AKAP12: variants seen among roughly 807,000 people sequenced by gnomAD.
The protein encoded by AKAP12 is A-kinase anchor protein 12.
A neutral mutation model predicts 79.9 loss-of-function variants in AKAP12; 32 were observed. The observed-to-expected ratio is 0.40, with a 90% confidence interval of 0.30 to 0.54. The LOEUF is 0.54. Ranked by LOEUF, AKAP12 falls within the 20% of genes least tolerant of loss-of-function variation. The pLI is 0.48. For synonymous variants in AKAP12, 808 were observed against 857.0 expected (o/e 0.94, Z 1.00); for missense variants, 2,074 against 2,177.0 (o/e 0.95, Z 0.94).
At position 151,352,458 on chromosome 6, in the gene AKAP12, A is replaced by G; in HGVS notation, c.4067A>G (p.Glu1356Gly). 2 of 1,614,238 alleles carry G rather than the reference A, an allele frequency of 1.2e-6. No homozygotes were observed. The highest frequency in any genetic ancestry group is 1.6e-4 in the Middle Eastern group (1 of 6,062). Residue 1356 changes from glutamate (E) to glycine (G), a missense_variant, in exon 4 of 5, where the codon GAG becomes GGG. Physicochemically the swap from Glu to Gly is moderately conservative, Grantham distance 98. This residue lies in a region of AKAP12 where 614 missense variants were observed against 665.6 expected (regional missense o/e 0.92). Transcript: ENST00000402676. ...GCAGAGCCAACCCATGTGAATGAAGAGAAGCTTGAGCACGAAACAGCTGTT... is the reference window on the plus strand; with the variant it reads ...GCAGAGCCAACCCATGTGAATGAAGGGAAGCTTGAGCACGAAACAGCTGTT... ...TEAEPTHVNE[E>G]KLEHETAVTV...
At chr6:151,311,218 G>T (rs556035963) in intron 3 of AKAP12, among the ~76,000 whole-genome samples, 1 of 152,122 alleles carries the variant, frequency 6.6e-6, no homozygotes, top group South Asian at 2.1e-4. Flanking sequence ...TTCCTTCCAC[G>T]TCAGCCTCCC....
chr6:151,326,672 T>C (rs879859133), intron 3 of AKAP12, among the ~76,000 whole-genome samples: 5 of 152,268 alleles, frequency 3.3e-5, no homozygotes, highest in African/African-American at 1.2e-4. Flanking sequence ...CTTATGCCAT[T>C]GTACTGTGGC....
chr6:151,323,415 G>A (rs1226438860), intron 3 of AKAP12, among the ~76,000 whole-genome samples: 1 of 152,136 alleles, frequency 6.6e-6, no homozygotes, highest in African/African-American at 2.4e-5. Context: ...GCCGAGCATG[G>A]TGGCATGCGC....
At chr6:151,309,546 A>G (rs1358121295) in intron 3 of AKAP12, among the ~76,000 whole-genome samples, 3 of 152,234 alleles carry the variant, frequency 2.0e-5, no homozygotes, top group Non-Finnish European at 4.4e-5. Flanking sequence ...CTGGTAGTTC[A>G]GAACCAACCC....
intron 2 of AKAP12, among the ~76,000 whole-genome samples, chr6:151,281,079 C>A (rs1195625782): frequency 6.6e-6 from 1 of 152,116 alleles, no homozygotes; most frequent in African/African-American, 2.4e-5. Flanking sequence ...TGCTTTCATC[C>A]TGTTATTTCC....
intron 2 of AKAP12, among the ~76,000 whole-genome samples, chr6:151,248,131 G>A (rs1359025810): frequency 2.0e-5 from 3 of 152,132 alleles, no homozygotes; most frequent in Non-Finnish European, 4.4e-5. Context: ...GAGTATTGAA[G>A]GATTAAATTT....
At chr6:151,258,632 A>G (rs191749596) in intron 2 of AKAP12, among the ~76,000 whole-genome samples, 7 of 152,114 alleles carry the variant, frequency 4.6e-5, no homozygotes, top group South Asian at 2.1e-4. Flanking sequence ...CTACTAAACT[A>G]TATGTATTTT....
chr6:151,332,198 G>A (rs1777693820), intron 3 of AKAP12, among the ~76,000 whole-genome samples: 1 of 151,760 alleles, frequency 6.6e-6, no homozygotes, highest in South Asian at 2.1e-4. Context: ...CACCACATCT[G>A]GCTAAATTTT....
chr6:151,352,093 A>G lies in AKAP12; in HGVS notation c.3702A>G (p.Lys1234=), dbSNP rs147618736. The G allele has an allele frequency of 1.2e-6, 2 of 1,614,088 alleles. No homozygotes were observed. The highest frequency in any genetic ancestry group is 1.1e-5 in the South Asian group (1 of 91,088). ...GTTTTGTGTTCCAGGAAGAAACTAA[A>G]GAACAATCAAAGATGGAAGACACTC... The part of the protein sequence containing the change: ...PSSFVFQEET[K]EQSKMEDTLE... Residue 1234 remains lysine, a synonymous_variant, in exon 4 of 5, where the codon AAA becomes AAG. Coordinates refer to ENST00000402676, the MANE Select transcript of AKAP12 (RefSeq NM_005100.4).
intron 3 of AKAP12, among the ~76,000 whole-genome samples, chr6:151,336,413 C>T (rs1777816255): frequency 6.6e-6 from 1 of 152,176 alleles, no homozygotes; most frequent in South Asian, 2.1e-4. Context: ...CTTTTCTCCA[C>T]ATCTGTGCGA....
At chr6:151,258,563 C>G (rs1362127532) in intron 2 of AKAP12, among the ~76,000 whole-genome samples, 2 of 152,180 alleles carry the variant, frequency 1.3e-5, no homozygotes, top group Admixed American at 1.3e-4. Flanking sequence ...TGTAAGATTA[C>G]TTTTGGCCAC....
chr6:151,337,575 A>G (rs914367797), intron 3 of AKAP12, among the ~76,000 whole-genome samples: 25 of 151,820 alleles, frequency 1.6e-4, no homozygotes, highest in Admixed American at 3.9e-4. Context: ...GGAAAACTAA[A>G]ATGAATACAG....
At chr6:151,305,677 G>A in intron 2 of AKAP12, 70 bp from the exon 3 acceptor site, 5 of 1,439,378 alleles carry the variant, frequency 3.5e-6, no homozygotes, top group Non-Finnish European at 4.7e-6. Context: ...TATTCTGGAA[G>A]TTAATGCCTT....
rs774307649 is a variant in AKAP12, at chr6:151,351,777, G to A, written c.3386G>A (p.Ser1129Asn). ...GAAAAAGCTCCTCAAGTCACAGAGA[G>A]CATAGAGTCCAGTGAGCTTGTAACC... ...SFEKAPQVTE[S>N]IESSELVTTC... The change falls in exon 4 of 5, where the codon AGC becomes AAC. Residue 1129 changes from serine to asparagine, a missense_variant. By Grantham distance (46) the Ser-to-Asn change is conservative. Coordinates refer to ENST00000402676, the MANE Select transcript of AKAP12 (RefSeq NM_005100.4). This position sits in a 1 kb window ranked among gnomAD's most constrained non-coding sequence, Gnocchi z 4.4. The A allele has an allele frequency of 1.9e-6, 3 of 1,614,072 alleles. No homozygotes were observed. Among genetic ancestry groups the A allele is most frequent in the East Asian group, 2.2e-5 (1 of 44,892 alleles).
chr6:151,322,775 T>TCCCGCCACTGGGTGTGTGCACCATCCAC (rs1562738571), intron 3 of AKAP12, among the ~76,000 whole-genome samples: 1 of 150,048 alleles, frequency 6.7e-6, no homozygotes, highest in African/African-American at 2.5e-5. Context: ...GCACCATCCA[T>TCCCGCCACTGGGTGTGTGCACCATCCAC]GACTGAGCTC....
At position 151,332,036 on chromosome 6, in the gene AKAP12, T is replaced by TTTTTGTTTTTG; in HGVS notation, c.320-16671_320-16670insGTTTTTGTTTT. On this transcript the variant is annotated intron_variant, in intron 3 of 4. Coordinates refer to ENST00000402676, the MANE Select transcript of AKAP12 (RefSeq NM_005100.4). ...TAGCACGTCCAGTTCTGGGTCTGTT[T>TTTTTGTTTTTG]TTTTTTTTTTTTTTTTTTGAGACAG... 4.5e-5 allele frequency among the ~76,000 whole-genome samples: 2 copies of TTTTTGTTTTTG among 44,306 alleles called. 1 individual carries two copies. Among genetic ancestry groups the TTTTTGTTTTTG allele is most frequent in the African/African-American group, 9.4e-4 (2 of 2,136 alleles). 29.1% of individuals were successfully genotyped at this position (44,306 alleles called of 152,430 possible).
chr6:151,270,746 G>A (rs1357943179), intron 2 of AKAP12, among the ~76,000 whole-genome samples: 1 of 152,052 alleles, frequency 6.6e-6, no homozygotes, highest in East Asian at 1.9e-4. Context: ...GCATCTCACT[G>A]TGGTTTTGAT....
At chr6:151,244,335 T>C (rs1372079742) in intron 2 of AKAP12, among the ~76,000 whole-genome samples, 1 of 152,090 alleles carries the variant, frequency 6.6e-6, no homozygotes. Context: ...CCATCCTGGC[T>C]AACACGGTGA....
At position 151,358,033 on chromosome 6, in the gene AKAP12, CAG is replaced by C. The variant is rs1778485031; in HGVS notation, c.*2322_*2323del. The C allele has an allele frequency of 6.6e-6, 1 of 152,084 alleles. No homozygotes were observed. Among genetic ancestry groups the C allele is most frequent in the African/African-American group, 2.4e-5 (1 of 41,400 alleles). The allele number at this position is 152,084 out of a possible 1,614,324, so 9.4% of individuals were successfully genotyped here. On this transcript the variant is annotated 3_prime_UTR_variant, in exon 5 of 5. Transcript: ENST00000402676. ...GCTTTTTGTACTATCTGGATGTGCC[CAG>C]AGTTACTTCTGTACAAGCTCTGTAT...
Sources: allele counts gnomAD v4.1 joint callset (sites outside exome capture counted in the v4.1 genomes callset), GRCh38; gene constraint gnomAD v4.1.1; regional missense constraint gnomAD v4.1.1; non-coding constraint Gnocchi (gnomAD v3.1); transcripts MANE v1.5; gene names NCBI Gene and HGNC (gene_info 2026-07-23, HGNC 2026-07-21).